The following ARMCX4 variants were observed in gnomAD, a reference collection of about 807,000 sequenced individuals.
The protein encoded by ARMCX4 is armadillo repeat containing X-linked 4, also known as armadillo repeat-containing X-linked protein 4.
In ARMCX4, 3 loss-of-function variants were observed where a neutral mutation model predicts 34.7. The ratio of observed to expected loss-of-function variants is 0.09; its 90% CI spans 0.04 to 0.22. The LOEUF is 0.22. Ranked by LOEUF, ARMCX4 falls within the 10% of genes least tolerant of loss-of-function variation. The probability of loss-of-function intolerance (pLI) is 1.00; values close to 1 mark genes in which losing one functional copy is unlikely to be tolerated. For synonymous variants in ARMCX4, 513 were observed against 632.8 expected, an observed-to-expected ratio of 0.81 and a Z score of 2.84; for missense variants, 1,448 against 1,720.8, an observed-to-expected ratio of 0.84 and a Z score of 2.81.
downstream of ARMCX4, among the ~76,000 whole-genome samples, chrX:101,450,935 C>T (rs1429687110): frequency 9.0e-6 from 1 of 111,615 alleles, no homozygotes; most frequent in Non-Finnish European, 1.9e-5. Flanking sequence ...AGCTGGTATC[C>T]AAGATGTAAG....
chrX:101,431,336 A>G (rs894444312), intron 2 of ARMCX4, among the ~76,000 whole-genome samples: 1 of 111,635 alleles, frequency 9.0e-6, no homozygotes, highest in Non-Finnish European at 1.9e-5. Flanking sequence ...GAACAGACAC[A>G]TATCACTATG....
intron 2 of ARMCX4, among the ~76,000 whole-genome samples, chrX:101,432,149 A>G (rs186254131): frequency 6.3e-5 from 7 of 111,950 alleles, no homozygotes; most frequent in South Asian, 3.7e-4. Flanking sequence ...CAAGGTTTGC[A>G]TATTCTCCCT....
chrX:101,483,518 CTTTG>C (rs1490741448), upstream of ARMCX4, among the ~76,000 whole-genome samples: 16 of 111,332 alleles, frequency 1.4e-4, no homozygotes, highest in South Asian at 3.7e-4. Context: ...ATTTGCATTT[CTTTG>C]TTTGAGCATC....
chrX:101,529,546 A>T (rs1405814761), intron 11 of ARMCX4, among the ~76,000 whole-genome samples: 1 of 111,936 alleles, frequency 8.9e-6, no homozygotes, highest in African/African-American at 3.2e-5. Context: ...GTGAACAGGC[A>T]ACCTACAGAA....
chrX:101,522,289 T>C (rs1030702301), intron 11 of ARMCX4, among the ~76,000 whole-genome samples: 6 of 111,651 alleles, frequency 5.4e-5, no homozygotes, highest in African/African-American at 1.9e-4. Flanking sequence ...GTATAATTTT[T>C]CTGGTATTAG....
intron 11 of ARMCX4, among the ~76,000 whole-genome samples, chrX:101,514,150 C>T (rs2147705480): frequency 9.0e-6 from 1 of 111,132 alleles, no homozygotes; most frequent in Non-Finnish European, 1.9e-5. Context: ...GTTGAGTTTC[C>T]TACTGGAAGC....
At chrX:101,501,851 T>C (rs1404163463) in intron 7 of ARMCX4, among the ~76,000 whole-genome samples, 2 of 111,816 alleles carry the variant, frequency 1.8e-5, no homozygotes, top group Non-Finnish European at 3.8e-5. Flanking sequence ...TCCTGGTGTC[T>C]TTACTGCATC....
downstream of ARMCX4, among the ~76,000 whole-genome samples, chrX:101,448,109 C>T (rs782384336): frequency 2.7e-5 from 3 of 111,374 alleles, no homozygotes; most frequent in African/African-American, 9.8e-5. Context: ...TTTTTCTGTG[C>T]GTGGCTTATT....
chrX:101,427,822 T>A (rs1264738202), intron 2 of ARMCX4, among the ~76,000 whole-genome samples: 1 of 111,292 alleles, frequency 9.0e-6, no homozygotes, highest in Non-Finnish European at 1.9e-5. Context: ...AGGGAATGAA[T>A]CCAGTTTTGA....
intron 2 of ARMCX4, among the ~76,000 whole-genome samples, chrX:101,427,435 T>A (rs923538914): frequency 2.7e-5 from 3 of 110,001 alleles, no homozygotes; most frequent in African/African-American, 1.0e-4. Context: ...TGGAGTGCAA[T>A]GGTGCAATCT....
intron 8 of ARMCX4, chrX:101,509,270 G>A (rs1934525009): frequency 1.8e-5 from 2 of 111,253 alleles, no homozygotes; most frequent in Admixed American, 9.6e-5. Flanking sequence ...AATAATCTTG[G>A]TGACTTTCCT....
intron 2 of ARMCX4, among the ~76,000 whole-genome samples, chrX:101,424,026 G>A (rs1555990516): frequency 2.7e-5 from 3 of 110,654 alleles, no homozygotes; most frequent in Non-Finnish European, 5.7e-5. Flanking sequence ...ACCACGCCTG[G>A]CAAATTTTGT....
chrX:101,471,517 C>A (rs1556002988), intron 4 of ARMCX4, among the ~76,000 whole-genome samples: 1 of 111,957 alleles, frequency 8.9e-6, no homozygotes. Flanking sequence ...AACAGGCTAT[C>A]AGATTTAGAG....
chrX:101,427,562 G>C lies in ARMCX4; in HGVS notation n.164+8562G>C, dbSNP rs1161052127. ...CTGGCTAATTTTTTTTGTAGTTTTA[G>C]TAGAGATGGGGTTACACCATGTTGG... On this transcript the variant is annotated intron_variant and non_coding_transcript_variant, in intron 2 of 3. Coordinates refer to the ARMCX4 transcript ENST00000430461. Among the ~76,000 whole-genome samples the C allele has an allele frequency of 1.2e-4, 13 of 110,942 alleles. No individual in the cohort carries two copies. The Admixed American group carries it at 1.3e-3, about 11-fold the overall frequency.
At chrX:101,524,647 C>T (rs986134523) in intron 11 of ARMCX4, among the ~76,000 whole-genome samples, 2 of 112,015 alleles carry the variant, frequency 1.8e-5, no homozygotes, top group African/African-American at 6.5e-5. Context: ...AAACGGCACA[C>T]CAGGAGATTA....
intron 2 of ARMCX4, among the ~76,000 whole-genome samples, chrX:101,432,712 A>G (rs888694076): frequency 1.6e-4 from 17 of 105,869 alleles, no homozygotes; most frequent in Non-Finnish European, 3.1e-4. Flanking sequence ...ATATATATGT[A>G]TACATATATG....
chrX:101,520,103 A>G (rs1316622530), intron 11 of ARMCX4, among the ~76,000 whole-genome samples: 2 of 112,110 alleles, frequency 1.8e-5, no homozygotes, highest in Non-Finnish European at 3.8e-5. Context: ...GCTATTTTAA[A>G]CAGAATTATT....
intron 2 of ARMCX4, among the ~76,000 whole-genome samples, chrX:101,432,091 A>C (rs1281435986): frequency 1.8e-5 from 2 of 112,376 alleles, no homozygotes; most frequent in African/African-American, 3.2e-5. Flanking sequence ...ACATTATAAC[A>C]TACGCATTTT....
chrX:101,469,207 C>T (rs2096069028), intron 4 of ARMCX4, among the ~76,000 whole-genome samples: 1 of 112,398 alleles, frequency 8.9e-6, no homozygotes, highest in African/African-American at 3.2e-5. Context: ...TGTTATACCA[C>T]TTATCAGTTA....
Sources: allele counts gnomAD v4.1 joint callset (sites outside exome capture counted in the v4.1 genomes callset), GRCh38; gene constraint gnomAD v4.1.1; transcripts MANE v1.5; gene names NCBI Gene and HGNC (gene_info 2026-07-23, HGNC 2026-07-21).